TBCEL: variants seen among roughly 807,000 people sequenced by gnomAD.
TBCEL encodes tubulin folding cofactor E like.
A neutral mutation model predicts 44.2 loss-of-function variants in TBCEL; 15 were observed. That is an observed-to-expected ratio of 0.34 (90% confidence interval 0.23 to 0.52). The LOEUF (loss-of-function observed/expected upper bound fraction) is 0.52. Among genes scored for constraint, TBCEL ranks in the 20% least tolerant of loss-of-function variants. The probability of loss-of-function intolerance (pLI) is 0.95; values close to 1 mark genes in which losing one functional copy is unlikely to be tolerated. For synonymous variants in TBCEL, 171 were observed against 185.4 expected (o/e 0.92, Z 0.63); for missense variants, 319 against 506.3 (o/e 0.63, Z 3.55).
At chr11:121,029,027 C>G (rs79825703) in intron 1 of TBCEL, among the ~76,000 whole-genome samples, 2,126 of 152,276 alleles carry the variant, frequency 0.014, 50 homozygotes, top group African/African-American at 0.049. Flanking sequence ...ACTCTATACT[C>G]TACACCAACT....
intron 1 of TBCEL, among the ~76,000 whole-genome samples, chr11:121,034,185 A>G (rs1488878681): frequency 6.6e-6 from 1 of 152,196 alleles, no homozygotes; most frequent in Non-Finnish European, 1.5e-5. Context: ...CATATTTTCC[A>G]CACCAGTTGT....
At chr11:121,028,075 T>C (rs11218121) in intron 1 of TBCEL, among the ~76,000 whole-genome samples, 28,578 of 151,916 alleles carry the variant, frequency 0.19, 2,783 homozygotes, top group East Asian at 0.33. Flanking sequence ...CATAGTGGTA[T>C]ATGCCTGTAG....
chr11:121,078,360 C>T (rs369352865), intron 8 of TBCEL, among the ~76,000 whole-genome samples: 5 of 152,112 alleles, frequency 3.3e-5, no homozygotes, highest in African/African-American at 1.2e-4. Flanking sequence ...GCTCGTCTCT[C>T]CCTGTCTAAT....
Position 121,060,124 on chromosome 11 carries a change from G to T in TBCEL, c.956+39G>T, listed in dbSNP as rs367973304. The stretch of plus-strand genomic sequence containing the variant: ...CATTGGCCAAACACTTTAGAGGGTG[G>T]TGATGCCAGTTAAGAACTCTAGTGT... On this transcript the variant is annotated intron_variant, in intron 8 of 8. Coordinates refer to ENST00000683345, the MANE Select transcript of TBCEL (RefSeq NM_001363644.2). The T allele has an allele frequency of 6.9e-6, 10 of 1,445,956 alleles. No homozygotes were observed. The African/African-American group carries it at 9.8e-5, about 14-fold the overall frequency. The allele number at this position is 1,445,956 out of a possible 1,614,324, so 89.6% of individuals were successfully genotyped here.
intron 4 of TBCEL, among the ~76,000 whole-genome samples, chr11:121,050,572 G>C (rs528854968): frequency 6.6e-6 from 1 of 151,636 alleles, no homozygotes; most frequent in South Asian, 2.1e-4. Flanking sequence ...TGGCTGAGTA[G>C]ATCTTTGTCT....
chr11:121,024,817 A>C (rs1188205226), intron 1 of TBCEL, among the ~76,000 whole-genome samples: 1 of 152,174 alleles, frequency 6.6e-6, no homozygotes, highest in Admixed American at 6.5e-5. Context: ...GCCTGCTCTT[A>C]CCAGGGGCTG....
At position 121,088,467 on chromosome 11, in the gene TBCEL, G is replaced by T. The variant is rs1455770874; in HGVS notation, c.*1371G>T. 1 of 152,146 alleles carries T rather than the reference G, an allele frequency of 6.6e-6. No homozygotes were observed. Among genetic ancestry groups the T allele is most frequent in the Non-Finnish European group, 1.5e-5 (1 of 68,024 alleles). The allele number at this position is 152,146 out of a possible 1,614,324, so 9.4% of individuals were successfully genotyped here. On this transcript the variant is annotated 3_prime_UTR_variant, in exon 9 of 9. Transcript: ENST00000683345. ...TCTTCTATTCCTTTGTTAATCAGAT[G>T]TAATCCCTTTCTTTAATGTGTATTT...
chr11:121,053,185 A>G (rs145327847), intron 4 of TBCEL, among the ~76,000 whole-genome samples: 292 of 152,040 alleles, frequency 1.9e-3, no homozygotes, highest in Non-Finnish European at 3.0e-3. Context: ...AGAGGATTAT[A>G]TGAACTAATC....
Position 121,059,996 on chromosome 11 carries a change from C to T in TBCEL, c.867C>T (p.Gly289=). The T allele has an allele frequency of 6.2e-7, 1 of 1,610,684 alleles. No homozygotes were observed. The highest frequency in any genetic ancestry group is 8.5e-7 in the Non-Finnish European group (1 of 1,178,054). ...TGCCATCAGTTTCCAAACTTAATGG[C>T]AGCGTTGTTACTGATGGTGAACGAG... The part of the protein sequence containing the change: ...ARLPSVSKLN[G]SVVTDGERED... The change falls in exon 8 of 9, where the codon GGC becomes GGT. Residue 289 remains glycine, a synonymous_variant. Coordinates refer to ENST00000683345, the MANE Select transcript of TBCEL (RefSeq NM_001363644.2).
At chr11:121,067,461 C>T (rs1280174645) in intron 8 of TBCEL, among the ~76,000 whole-genome samples, 2 of 152,186 alleles carry the variant, frequency 1.3e-5, no homozygotes. Context: ...AGTTTAGCCT[C>T]TCTGCTCTAG....
intron 8 of TBCEL, among the ~76,000 whole-genome samples, chr11:121,064,256 A>G (rs1226138341): frequency 6.6e-6 from 1 of 152,198 alleles, no homozygotes; most frequent in Non-Finnish European, 1.5e-5. Context: ...AGACCTGTCT[A>G]CTCTTACAAA....
chr11:121,029,768 A>G (rs1413924268), intron 1 of TBCEL, among the ~76,000 whole-genome samples: 6 of 141,430 alleles, frequency 4.2e-5, no homozygotes, highest in Non-Finnish European at 7.8e-5. Flanking sequence ...GTGATTTTCA[A>G]AATTTTTCTT....
chr11:121,038,270 T>C (rs566867544), intron 2 of TBCEL, among the ~76,000 whole-genome samples: 1 of 152,316 alleles, frequency 6.6e-6, no homozygotes, highest in African/African-American at 2.4e-5. Context: ...GGCCGAACAT[T>C]ATATTTTTTA....
At chr11:121,035,274 C>T (rs1945211072) in intron 1 of TBCEL, 1 of 152,082 alleles carries the variant, frequency 6.6e-6, no homozygotes, top group African/African-American at 2.4e-5. Flanking sequence ...CAGGCTACTA[C>T]CCCTTCCTGT....
chr11:121,089,929 G>A lies in TBCEL; in HGVS notation c.*2833G>A, dbSNP rs1364189159. ...AACCAAGGGATCCTTTCTACATGTG[G>A]GTGAACGGCTGCTAAAGCCACAGTA... On this transcript the variant is annotated 3_prime_UTR_variant, in exon 9 of 9. Transcript: ENST00000683345. 6.6e-6 allele frequency: 1 copy of A among 152,118 alleles called. No individual in the cohort carries two copies. The highest frequency in any genetic ancestry group is 6.6e-5 in the Admixed American group (1 of 15,264). The allele number at this position is 152,118 out of a possible 1,614,324, so 9.4% of individuals were successfully genotyped here.
chr11:121,041,775 C>CTTGATGTT (rs1945337190), intron 2 of TBCEL, among the ~76,000 whole-genome samples: 1 of 151,978 alleles, frequency 6.6e-6, no homozygotes, highest in Non-Finnish European at 1.5e-5. Context: ...AGTTACATTA[C>CTTGATGTT]CAATCCATTT....
chr11:121,072,423 T>C (rs1011229621), intron 8 of TBCEL, among the ~76,000 whole-genome samples: 6 of 152,182 alleles, frequency 3.9e-5, no homozygotes, highest in African/African-American at 1.4e-4. Context: ...GAACTGATGA[T>C]AGTTAATATT....
intron 2 of TBCEL, among the ~76,000 whole-genome samples, chr11:121,039,622 A>C (rs1050406229): frequency 4.6e-5 from 7 of 152,246 alleles, no homozygotes; most frequent in African/African-American, 1.7e-4. Context: ...TTAAGGTATG[A>C]AAATGAAACG....
chr11:121,057,358 CCTGA>C lies in TBCEL; in HGVS notation c.713-984_713-981del, dbSNP rs1945640458. 28 of 287,124 alleles carry C rather than the reference CCTGA, an allele frequency of 9.8e-5. 1 individual carries two copies. The highest frequency in any genetic ancestry group is 9.7e-4 in the South Asian group (28 of 28,970). 17.8% of individuals were successfully genotyped at this position (287,124 alleles called of 1,614,324 possible). The stretch of plus-strand genomic sequence containing the variant: ...AAATTTTTCCTGTGTGGAAGACCTA[CCTGA>C]CTTAGAAGTCAAGTATTGACTTGGA... On this transcript the variant is annotated intron_variant, in intron 6 of 8. Transcript: ENST00000683345.
Sources: allele counts gnomAD v4.1 joint callset (sites outside exome capture counted in the v4.1 genomes callset), GRCh38; gene constraint gnomAD v4.1.1; transcripts MANE v1.5; gene names NCBI Gene and HGNC (gene_info 2026-07-23, HGNC 2026-07-21).